The following ARHGEF10L variants were observed in gnomAD, a reference collection of about 807,000 sequenced individuals.
ARHGEF10L encodes Rho guanine nucleotide exchange factor 10 like, also known as rho guanine nucleotide exchange factor 10-like protein.
In ARHGEF10L, 69 loss-of-function variants were observed where a neutral mutation model predicts 141.2. The observed-to-expected ratio is 0.49, with a 90% CI of 0.40 to 0.60. The LOEUF is 0.60. Ranked by LOEUF, ARHGEF10L falls within the 20% of genes least tolerant of loss-of-function variation. The pLI is 0.00. For missense variants in ARHGEF10L, 1,482 were observed against 1,734.3 expected (o/e 0.85, Z 2.58); for synonymous variants, 711 against 718.5 (o/e 0.99, Z 0.17).
At chr1:17,596,068 C>T (rs2080068018) in intron 4 of ARHGEF10L, among the ~76,000 whole-genome samples, 1 of 152,206 alleles carries the variant, frequency 6.6e-6, no homozygotes, top group African/African-American at 2.4e-5. Context: ...CGCCTGGGAG[C>T]CCTGGTTCTC....
chr1:17,544,981 C>A (rs557811692), intron 1 of ARHGEF10L, among the ~76,000 whole-genome samples: 1 of 152,212 alleles, frequency 6.6e-6, no homozygotes, highest in East Asian at 1.9e-4. Context: ...GGAAAACCTG[C>A]CCCTGTGATT....
intron 26 of ARHGEF10L, among the ~76,000 whole-genome samples, chr1:17,665,912 G>T (rs1310154013): frequency 6.6e-6 from 1 of 152,170 alleles, no homozygotes; most frequent in East Asian, 1.9e-4. Flanking sequence ...CGGAGGCCTG[G>T]GAACCTGTGA....
At chr1:17,591,473 G>A (rs774336287) in intron 4 of ARHGEF10L, among the ~76,000 whole-genome samples, 4 of 147,808 alleles carry the variant, frequency 2.7e-5, no homozygotes, top group Non-Finnish European at 5.9e-5. Context: ...GTGTGGTGGC[G>A]CCATCTCGGC....
intron 27 of ARHGEF10L, among the ~76,000 whole-genome samples, chr1:17,689,089 C>T (rs1020540633): frequency 6.6e-6 from 1 of 152,118 alleles, no homozygotes; most frequent in East Asian, 1.9e-4. Context: ...ATTGGTTCAG[C>T]AGGCCGGGCG....
Position 17,607,436 on chromosome 1 carries a change from C to G in ARHGEF10L, c.434-366C>G, listed in dbSNP as rs1415869750. Among the ~76,000 whole-genome samples the G allele has an allele frequency of 1.3e-5, 2 of 152,218 alleles. No homozygotes were observed. Among genetic ancestry groups the G allele is most frequent in the African/African-American group, 4.8e-5 (2 of 41,454 alleles). ...GCCACAGTGAGCTATGATTGTACCA[C>G]TGCACTCCAGCCTGGGCGAGACAAT... On this transcript the variant is annotated intron_variant, in intron 6 of 28. Transcript: ENST00000361221. This position sits in a 1 kb window ranked among gnomAD's most constrained non-coding sequence, Gnocchi z 4.5.
intron 1 of ARHGEF10L, among the ~76,000 whole-genome samples, chr1:17,548,325 A>T (rs1024781193): frequency 6.6e-6 from 1 of 152,188 alleles, no homozygotes; most frequent in Non-Finnish European, 1.5e-5. Flanking sequence ...AAATCCAAAG[A>T]GGCAGTTAGA....
rs1307777678 is a variant in ARHGEF10L, at chr1:17,615,677, A to G, written c.727-417A>G. 1 of 166,006 alleles carries G rather than the reference A, an allele frequency of 6.0e-6. No homozygotes were observed. Among genetic ancestry groups the G allele is most frequent in the Non-Finnish European group, 1.3e-5 (1 of 75,784 alleles). The allele number at this position is 166,006 out of a possible 1,614,324, so 10.3% of individuals were successfully genotyped here. On this transcript the variant is annotated intron_variant, in intron 8 of 28. Transcript: ENST00000361221. The surrounding 1 kb of genome is among the most constrained non-coding windows in gnomAD (Gnocchi z 4.7). ...TGTTTGGTGCTCACAGACCCTGGCA[A>G]GGATCGGTATTGCTGTTCCTCAGTT...
At chr1:17,690,638 G>C (rs1035616999) in intron 27 of ARHGEF10L, among the ~76,000 whole-genome samples, 10 of 152,240 alleles carry the variant, frequency 6.6e-5, no homozygotes, top group African/African-American at 2.4e-4. Flanking sequence ...CGAGGTTCCA[G>C]AGTGTGGGGT....
chr1:17,669,550 A>G (rs576302649), intron 26 of ARHGEF10L, among the ~76,000 whole-genome samples: 2 of 152,330 alleles, frequency 1.3e-5, no homozygotes, highest in South Asian at 4.1e-4. Flanking sequence ...GAACACAGGC[A>G]TTCTGAGTCT....
At chr1:17,545,591 T>C (rs1052447382) in intron 1 of ARHGEF10L, among the ~76,000 whole-genome samples, 57 of 152,214 alleles carry the variant, frequency 3.7e-4, no homozygotes, top group African/African-American at 1.3e-3. Context: ...GCAGCAGTGG[T>C]GTCTGAGGAC....
At position 17,673,593 on chromosome 1, in the gene ARHGEF10L, C is replaced by T. The variant is rs562664037; in HGVS notation, c.3009+8998C>T. On this transcript the variant is annotated intron_variant, in intron 26 of 28. Coordinates refer to ENST00000361221, the MANE Select transcript of ARHGEF10L (RefSeq NM_018125.4). The surrounding 1 kb of genome is among the most constrained non-coding windows in gnomAD (Gnocchi z 4.1). ...GCACACTCAGGCAGAGTGGCCGCTA[C>T]GCAATGGTCCTCTGTGAGCCTGGCA... Among the ~76,000 whole-genome samples the T allele has an allele frequency of 7.9e-5, 12 of 152,310 alleles. No individual in the cohort carries two copies. In the South Asian group the frequency reaches 1.2e-3, roughly 16 times the overall value.
intron 22 of ARHGEF10L, 144 bp downstream of exon 22, chr1:17,648,819 T>G (rs1167986292): frequency 7.8e-7 from 1 of 1,284,482 alleles, no homozygotes; most frequent in Non-Finnish European, 1.0e-6. Flanking sequence ...CTGACAGATT[T>G]GGTCAAGCCT....
intron 7 of ARHGEF10L, among the ~76,000 whole-genome samples, chr1:17,611,434 C>T (rs995660732): frequency 2.0e-5 from 3 of 152,134 alleles, no homozygotes; most frequent in Admixed American, 6.5e-5. Flanking sequence ...GTATTATTGT[C>T]CTTAAGATTC....
At chr1:17,533,429 C>A in the ARHGEF10L span, among the ~76,000 whole-genome samples, 2 of 152,240 alleles carry the variant, frequency 1.3e-5, no homozygotes, top group South Asian at 4.2e-4. Context: ...CTTGCCCTCC[C>A]AAAATGCTGA....
At chr1:17,549,595 G>A (rs3903919) in intron 1 of ARHGEF10L, among the ~76,000 whole-genome samples, 4,737 of 152,188 alleles carry the variant, frequency 0.031, 156 homozygotes, top group Admixed American at 0.097. Flanking sequence ...AAAGTATTCC[G>A]GGTAGGAGCT....
At chr1:17,595,339 C>A (rs1319570993) in intron 4 of ARHGEF10L, among the ~76,000 whole-genome samples, 6 of 150,940 alleles carry the variant, frequency 4.0e-5, no homozygotes, top group Non-Finnish European at 8.8e-5. Context: ...GCCAGGGGTG[C>A]AGGGCCTCTC....
chr1:17,528,341 A>G, the ARHGEF10L span, among the ~76,000 whole-genome samples: 1 of 151,986 alleles, frequency 6.6e-6, no homozygotes, highest in African/African-American at 2.4e-5. Context: ...TAGCCTCCCA[A>G]GTAGCTGGGA....
intron 26 of ARHGEF10L, among the ~76,000 whole-genome samples, chr1:17,677,788 G>T (rs867911292): frequency 1.3e-5 from 2 of 152,262 alleles, no homozygotes; most frequent in African/African-American, 2.4e-5. Flanking sequence ...GGTGGGGTCA[G>T]GAGCTGAACC....
chr1:17,693,943 G>A (rs1399180323), intron 27 of ARHGEF10L: 2 of 152,194 alleles, frequency 1.3e-5, no homozygotes, highest in Non-Finnish European at 2.9e-5. Context: ...GTGACATGGT[G>A]GAGGGTCTGT....
Sources: allele counts gnomAD v4.1 joint callset (sites outside exome capture counted in the v4.1 genomes callset), GRCh38; gene constraint gnomAD v4.1.1; non-coding constraint Gnocchi (gnomAD v3.1); transcripts MANE v1.5; gene names NCBI Gene and HGNC (gene_info 2026-07-23, HGNC 2026-07-21).